Variants in ATP2C2 observed in about 807,000 individuals in gnomAD.
The protein encoded by ATP2C2 is ATPase secretory pathway Ca2+ transporting 2.
ATP2C2 carries 171 observed loss-of-function variants against 110.8 expected under a neutral mutation model. The observed-to-expected ratio is 1.54, with a 90% CI of 1.36 to 1.75. ATP2C2 has a LOEUF of 1.75. ATP2C2 is among the 40% of genes most tolerant of loss of function. ATP2C2 has a pLI of 0.00. For missense variants in ATP2C2, 1,963 were observed against 1,235.0 expected (o/e 1.59, Z -8.84); for synonymous variants, 804 against 508.4 (o/e 1.58, Z -7.82).
chr16:84,402,423 G>T (rs1373008885), intron 2 of ATP2C2, among the ~76,000 whole-genome samples: 1 of 152,192 alleles, frequency 6.6e-6, no homozygotes, highest in Non-Finnish European at 1.5e-5. Context: ...CATTCAATAT[G>T]ACACTAGCCC....
intron 3 of ATP2C2, 89 bp downstream of exon 3, chr16:84,405,333 C>A: frequency 1.8e-6 from 2 of 1,110,638 alleles, no homozygotes; most frequent in East Asian, 2.4e-5. Context: ...TGATGGAAGG[C>A]ATCCTTGGAC....
At chr16:84,370,675 C>CT (rs112540313) in intron 1 of ATP2C2, among the ~76,000 whole-genome samples, 49,613 of 143,668 alleles carry the variant, frequency 0.35, 9,099 homozygotes, top group East Asian at 0.5. Flanking sequence ...TTGGAATTGT[C>CT]TTTTTTTTTT....
chr16:84,463,176 A>T (rs1911562262), intron 26 of ATP2C2, among the ~76,000 whole-genome samples: 1 of 150,316 alleles, frequency 6.7e-6, no homozygotes, highest in Non-Finnish European at 1.5e-5. Flanking sequence ...ACAGGAGCAG[A>T]GGGAGACGCT....
At chr16:84,439,342 T>G in intron 12 of ATP2C2, 52 bp downstream of exon 12, 1 of 1,613,520 alleles carries the variant, frequency 6.2e-7, no homozygotes, top group Non-Finnish European at 8.5e-7. Flanking sequence ...AATGGGGGCT[T>G]GGCTGTCAGG....
At position 84,410,749 on chromosome 16, in the gene ATP2C2, C is replaced by T. The variant is rs755421600; in HGVS notation, c.499C>T (p.Pro167Ser). Residue 167 changes from proline (P) to serine (S), a missense_variant, in exon 6 of 27, where the codon CCT becomes TCT. Transcript: ENST00000262429. ...TCTGGAAGAGCTGACCAAGCTGGTT[C>T]CTCCAGAATGTAACTGGTAAGTCAG... ...KSLEELTKLVPPECNCLREGK... is the reference protein window; with the variant it reads ...KSLEELTKLVSPECNCLREGK... The T allele has an allele frequency of 6.2e-7, 1 of 1,614,138 alleles. No individual in the cohort carries two copies. Among genetic ancestry groups the T allele is most frequent in the South Asian group, 1.1e-5 (1 of 91,072 alleles).
intron 9 of ATP2C2, 56 bp downstream of exon 9, chr16:84,422,753 T>C: frequency 1.3e-6 from 2 of 1,526,894 alleles, no homozygotes; most frequent in Non-Finnish European, 8.9e-7. Flanking sequence ...GAGATTATTA[T>C]AGGCAAATAA....
chr16:84,463,606 C>T lies in ATP2C2; in HGVS notation c.2723-8C>T, dbSNP rs1560247. 228,489 of 1,609,106 alleles carry T rather than the reference C, an allele frequency of 0.14. 23,058 individuals carry two copies. The highest frequency in any genetic ancestry group is 0.58 in the East Asian group (25,816 of 44,824). Reference sequence around the variant, plus strand: ...GTCCTGAATCTTTTCTGTTTTCTCCCTTGGCAGATTTGCTGTTTTTAACTG... The same window carrying T: ...GTCCTGAATCTTTTCTGTTTTCTCCTTTGGCAGATTTGCTGTTTTTAACTG... On this transcript the variant is annotated splice_region_variant and splice_polypyrimidine_tract_variant and intron_variant, in intron 26 of 26. Transcript: ENST00000262429.
chr16:84,412,737 G>A (rs1906486409), intron 6 of ATP2C2, among the ~76,000 whole-genome samples: 1 of 152,094 alleles, frequency 6.6e-6, no homozygotes, highest in Non-Finnish European at 1.5e-5. Context: ...GCTAACATTG[G>A]TTGAGGTCCT....
Position 84,463,853 on chromosome 16 carries a change from T to A in ATP2C2, c.*121T>A. 1 of 898,404 alleles carries A rather than the reference T, an allele frequency of 1.1e-6. No individual in the cohort carries two copies. The highest frequency in any genetic ancestry group is 1.6e-5 in the South Asian group (1 of 63,464). 55.7% of individuals were successfully genotyped at this position (898,404 alleles called of 1,614,324 possible). ...CCGCAGCCTTCCATCACCGGATCAG[T>A]TTTTCCTCTTAGGAAAGCTGCAGGA... On this transcript the variant is annotated 3_prime_UTR_variant, in exon 27 of 27. Coordinates refer to ENST00000262429, the MANE Select transcript of ATP2C2 (RefSeq NM_014861.4).
At chr16:84,394,026 T>G (rs59239199) in intron 1 of ATP2C2, among the ~76,000 whole-genome samples, 42,414 of 142,176 alleles carry the variant, frequency 0.3, 6,394 homozygotes, top group African/African-American at 0.35. Flanking sequence ...AAATAAAAAA[T>G]AAAAAGGCCT....
intron 6 of ATP2C2, among the ~76,000 whole-genome samples, chr16:84,411,243 A>G (rs1355757964): frequency 1.3e-5 from 2 of 152,192 alleles, no homozygotes; most frequent in African/African-American, 2.4e-5. Context: ...AGCAGCTGCA[A>G]CAGCCTCTTT....
At chr16:84,387,204 T>C (rs1904361453) in intron 1 of ATP2C2, among the ~76,000 whole-genome samples, 1 of 152,200 alleles carries the variant, frequency 6.6e-6, no homozygotes, top group South Asian at 2.1e-4. Context: ...TGCATGTGAA[T>C]GGTCACAGCA....
intron 3 of ATP2C2, chr16:84,406,618 C>T (rs570299176): frequency 1.2e-4 from 116 of 985,606 alleles, no homozygotes; most frequent in African/African-American, 7.3e-4. Flanking sequence ...TGTTATTCAT[C>T]GATGCGTTTT....
intron 7 of ATP2C2, 32 bp from the exon 8 acceptor site, chr16:84,422,358 G>T (rs376052048): frequency 1.4e-4 from 227 of 1,601,118 alleles, no homozygotes; most frequent in Non-Finnish European, 1.8e-4. Flanking sequence ...GTGACAGAGA[G>T]ATTCCACAGC....
chr16:84,376,179 A>G (rs1261252770), intron 1 of ATP2C2, among the ~76,000 whole-genome samples: 1 of 152,160 alleles, frequency 6.6e-6, no homozygotes, highest in Non-Finnish European at 1.5e-5. Flanking sequence ...AGTTTGGGTC[A>G]GCACATTTGA....
chr16:84,415,503 A>C lies in ATP2C2; in HGVS notation c.536A>C (p.Gln179Pro), dbSNP rs1408253988. ...ECNCLREGKL[Q>P]HLLARELVPG... ...TGCAGCCTAAGAGAAGGAAAACTCC[A>C]GCACCTGCTTGCTCGAGAACTGGTT... Residue 179 changes from glutamine (Q) to proline (P), a missense_variant, in exon 7 of 27, where the codon CAG becomes CCG. Gln to Pro is a moderately conservative substitution (Grantham distance 76). Coordinates refer to ENST00000262429, the MANE Select transcript of ATP2C2 (RefSeq NM_014861.4). The C allele has an allele frequency of 6.2e-7, 1 of 1,614,108 alleles. No individual in the cohort carries two copies. Among genetic ancestry groups the C allele is most frequent in the Non-Finnish European group, 8.5e-7 (1 of 1,180,050 alleles).
intron 17 of ATP2C2, 58 bp from the exon 18 acceptor site, chr16:84,451,863 A>C (rs1910298779): frequency 6.6e-7 from 1 of 1,526,136 alleles, no homozygotes; most frequent in Admixed American, 2.1e-5. Context: ...AACCAACAAC[A>C]AAAAACGACG....
chr16:84,459,584 C>A (rs776427427), intron 23 of ATP2C2, 198 bp downstream of exon 23: 2 of 1,536,028 alleles, frequency 1.3e-6, no homozygotes, highest in South Asian at 2.4e-5. Context: ...CCTGGGCCGG[C>A]AGAGCTGGGT....
intron 1 of ATP2C2, among the ~76,000 whole-genome samples, chr16:84,371,481 G>A (rs1909951623): frequency 6.6e-6 from 1 of 152,144 alleles, no homozygotes; most frequent in African/African-American, 2.4e-5. Flanking sequence ...CTCCAGCCTG[G>A]GCAACAGAGT....
Sources: gnomAD v4.1 joint callset for allele counts (sites outside exome capture counted in the v4.1 genomes callset) on GRCh38, gnomAD v4.1.1 for gene constraint, MANE v1.5 for transcripts, NCBI Gene and HGNC (gene_info 2026-07-23, HGNC 2026-07-21) for gene names.